RNF168: variants seen among roughly 807,000 people sequenced by gnomAD.
RNF168 encodes ring finger protein 168, also known as E3 ubiquitin-protein ligase RNF168.
In RNF168, 34 loss-of-function variants were observed where a neutral mutation model predicts 34.9. That is an observed-to-expected ratio of 0.97 (90% CI 0.74 to 1.30). RNF168 has a LOEUF of 1.30. RNF168 is among the 50% of genes most tolerant of loss of function. RNF168 has a pLI of 0.00. For missense variants in RNF168, 725 were observed against 682.5 expected (o/e 1.06, Z -0.69); for synonymous variants, 264 against 254.7 (o/e 1.04, Z -0.35).
intron 5 of RNF168, 126 bp downstream of exon 5, chr3:196,475,105 G>C (rs1577508774): frequency 2.9e-6 from 2 of 679,952 alleles, no homozygotes; most frequent in East Asian, 5.5e-5. Flanking sequence ...GTGAGCCTAA[G>C]AGGACTCAGA....
chr3:196,486,436 G>A (rs970211153), intron 3 of RNF168, among the ~76,000 whole-genome samples: 2 of 152,106 alleles, frequency 1.3e-5, no homozygotes, highest in Non-Finnish European at 2.9e-5. Flanking sequence ...GGGCTCAAGG[G>A]ATCCTCCTGC....
chr3:196,482,785 ATTAT>A lies in RNF168; in HGVS notation c.680+981_680+984del, dbSNP rs547899891. Among the ~76,000 whole-genome samples the A allele has an allele frequency of 2.5e-3, 384 of 152,244 alleles. 1 individual carries two copies. The highest frequency in any genetic ancestry group is 8.4e-3 in the African/African-American group (348 of 41,546). On this transcript the variant is annotated intron_variant, in intron 4 of 5. Transcript: ENST00000318037. ...CTCAAGTCCCTTTGTCCAGTTTTTA[ATTAT>A]TTGTCTTCTGTTGTTGAGTTATAAG...
chr3:196,485,757 C>T (rs1035787379), intron 3 of RNF168, among the ~76,000 whole-genome samples: 1 of 149,950 alleles, frequency 6.7e-6, no homozygotes, highest in African/African-American at 2.5e-5. Flanking sequence ...TGCGTATACT[C>T]ATTTTGCTAA....
intron 5 of RNF168, among the ~76,000 whole-genome samples, chr3:196,473,288 A>G (rs1732058396): frequency 6.6e-6 from 1 of 152,216 alleles, no homozygotes; most frequent in Admixed American, 6.5e-5. Context: ...TTCTGAGAAT[A>G]ATGTTTTTAA....
rs1732155603 is a variant in RNF168, at chr3:196,476,622, G to T, written c.681-1310C>A. Among the ~76,000 whole-genome samples the T allele has an allele frequency of 5.3e-5, 8 of 151,874 alleles. No individual in the cohort carries two copies. The South Asian group carries it at 6.2e-4, about 12-fold the overall frequency. ...GTAGAGACGGGGTTTCACCATGTTG[G>T]CCAGGCTGGTCTCGAAGTCCTGACC... On this transcript the variant is annotated intron_variant, in intron 4 of 5. Coordinates refer to ENST00000318037, the MANE Select transcript of RNF168 (RefSeq NM_152617.4).
chr3:196,474,141 T>TC (rs1732081270), intron 5 of RNF168, among the ~76,000 whole-genome samples: 1 of 150,826 alleles, frequency 6.6e-6, no homozygotes, highest in Non-Finnish European at 1.5e-5. Context: ...TTTTTTTTTT[T>TC]TTTTGAGGTG....
intron 1 of RNF168, among the ~76,000 whole-genome samples, chr3:196,497,940 G>A (rs535558630): frequency 6.6e-6 from 1 of 152,232 alleles, no homozygotes; most frequent in East Asian, 1.9e-4. Flanking sequence ...ATGGAAGAGG[G>A]CAAAACTGTC....
At chr3:196,494,732 T>C (rs1732695285) in intron 1 of RNF168, among the ~76,000 whole-genome samples, 1 of 152,122 alleles carries the variant, frequency 6.6e-6, no homozygotes, top group African/African-American at 2.4e-5. Context: ...AGTGTGGCTA[T>C]AAATGGCAAT....
rs976355338 is a variant in RNF168 at position 196,495,636 on chromosome 3, G to A, written c.302-6953C>T. Among the ~76,000 whole-genome samples the A allele has an allele frequency of 2.0e-5, 3 of 152,312 alleles. 1 individual carries two copies. In the South Asian group the frequency reaches 6.2e-4, roughly 32 times the overall value. On this transcript the variant is annotated intron_variant, in intron 1 of 5. Coordinates refer to ENST00000318037, the MANE Select transcript of RNF168 (RefSeq NM_152617.4). ...AATGTTTGTTTGTTCCATGGATAAC[G>A]TTAACTGTGATCACTTCATTACTGT...
intron 2 of RNF168, 129 bp downstream of exon 2, chr3:196,488,478 T>A: frequency 1.9e-6 from 1 of 526,202 alleles, no homozygotes; most frequent in Non-Finnish European, 3.3e-6. Context: ...TGAGACTCCA[T>A]CTCAAAAAAA....
chr3:196,496,177 T>A (rs1732739406), intron 1 of RNF168, among the ~76,000 whole-genome samples: 1 of 152,202 alleles, frequency 6.6e-6, no homozygotes, highest in Non-Finnish European at 1.5e-5. Context: ...AAATATTAGT[T>A]TCTTAGGGCC....
chr3:196,488,411 G>C lies in RNF168; in HGVS notation c.378+196C>G, dbSNP rs555300874. On this transcript the variant is annotated intron_variant, in intron 2 of 5. Coordinates refer to ENST00000318037, the MANE Select transcript of RNF168 (RefSeq NM_152617.4). ...GCAGGAGAATGGCATGAACCCGGGA[G>C]GTGGAGGTTGCAGTGAGCCGAGATT... Among the ~76,000 whole-genome samples, 6 of 151,924 alleles carry C rather than the reference G, an allele frequency of 3.9e-5. No individual in the cohort carries two copies. In the East Asian group the frequency reaches 1.2e-3, roughly 29 times the overall value.
intron 3 of RNF168, among the ~76,000 whole-genome samples, chr3:196,484,812 C>G (rs2108649174): frequency 6.6e-6 from 1 of 152,068 alleles, no homozygotes; most frequent in East Asian, 1.9e-4. Flanking sequence ...GCCACCATGC[C>G]CAGCTACTTT....
rs141698472 is a variant in RNF168, at chr3:196,483,831, C to T, written c.619G>A (p.Val207Ile). The T allele has an allele frequency of 8.1e-6, 13 of 1,608,680 alleles. No homozygotes were observed. The African/African-American group carries it at 1.6e-4, about 20-fold the overall frequency. ...CTTTTCTTTTCAGACTTGGGTGTAA[C>T]TGGATCAGATTTTCTGGAATTCAAG... ...SPLNSRKSDP[V>I]TPKSEKKSKN... The change falls in exon 4 of 6, where the codon GTT becomes ATT. Residue 207 changes from valine to isoleucine, a missense_variant. Transcript: ENST00000318037.
Position 196,472,071 on chromosome 3 carries a change from A to C in RNF168, c.1464T>G (p.Asn488Lys). 6.2e-7 allele frequency: 1 copy of C among 1,613,584 alleles called. No individual in the cohort carries two copies. Among genetic ancestry groups the C allele is most frequent in the Non-Finnish European group, 8.5e-7 (1 of 1,179,692 alleles). The change falls in exon 6 of 6, where the codon AAT (asparagine) becomes AAG (lysine). Residue 488 changes from asparagine to lysine, a missense_variant. Asn to Lys is a moderately conservative substitution (Grantham distance 94, BLOSUM62 0). Transcript: ENST00000318037. ...CATCTTTGGGATTCTTCCTCTGTCC[A>C]TTTAGCACTTTGTCTGGAGGGGAGG... is the stretch of plus-strand genomic sequence containing the variant. ...ATSSPPDKVL[N>K]GQRKNPKDGN...
chr3:196,486,964 A>C (rs1362009620), intron 3 of RNF168, among the ~76,000 whole-genome samples: 11 of 152,262 alleles, frequency 7.2e-5, no homozygotes, highest in South Asian at 4.1e-4. Context: ...GGGAGGTTGG[A>C]AGGATCACCG....
At chr3:196,502,772 G>A (rs1020996867) in intron 1 of RNF168, 101 bp downstream of exon 1, 9 of 996,026 alleles carry the variant, frequency 9.0e-6, no homozygotes, top group Non-Finnish European at 1.4e-5. Context: ...AATACTAGTC[G>A]GGTTTTTTGG....
chr3:196,483,903 GA>G lies in RNF168; in HGVS notation c.559-13del. On this transcript the variant is annotated splice_polypyrimidine_tract_variant and intron_variant, in intron 3 of 5. Coordinates refer to ENST00000318037, the MANE Select transcript of RNF168 (RefSeq NM_152617.4). ...TCACAGAAATTGTTCTTCAACAATA[GA>G]AAAAGCATAACAGACATTATGAGAG... 6.3e-7 allele frequency: 1 copy of G among 1,595,812 alleles called. No homozygotes were observed. Among genetic ancestry groups the G allele is most frequent in the Non-Finnish European group, 8.6e-7 (1 of 1,163,578 alleles).
chr3:196,493,195 A>G (rs139406595), intron 1 of RNF168, among the ~76,000 whole-genome samples: 45 of 152,314 alleles, frequency 3.0e-4, no homozygotes, highest in African/African-American at 1.1e-3. Flanking sequence ...GGCACGTGCG[A>G]TTTACAGAAG....
Sources: allele counts gnomAD v4.1 joint callset (sites outside exome capture counted in the v4.1 genomes callset), GRCh38; gene constraint gnomAD v4.1.1; transcripts MANE v1.5; gene names NCBI Gene and HGNC (gene_info 2026-07-23, HGNC 2026-07-21).